The following NDRG3 variants were observed in gnomAD, a reference collection of about 807,000 sequenced individuals.
The protein encoded by NDRG3 is NDRG family member 3.
In NDRG3, 23 loss-of-function variants were observed where a neutral mutation model predicts 57.2. That is an observed-to-expected ratio of 0.40 (90% CI 0.29 to 0.57). The LOEUF (loss-of-function observed/expected upper bound fraction) is 0.57, where lower values mean the gene tolerates loss of function less well. NDRG3 is among the 20% of genes least tolerant of loss of function. The pLI, the probability that NDRG3 is intolerant of heterozygous loss-of-function variation, is 0.42. For missense variants in NDRG3, 384 were observed against 457.3 expected (o/e 0.84, Z 1.46); for synonymous variants, 132 against 162.6 (o/e 0.81, Z 1.43).
At position 36,680,787 on chromosome 20, in the gene NDRG3, G is replaced by A. The variant is rs1175791239; in HGVS notation, c.531+29C>T. On this transcript the variant is annotated intron_variant, in intron 8 of 15. Transcript: ENST00000349004. ...GCTGTTTTGAGATGGGCCAAGATAA[G>A]CCGATGGACACCTTCATGTGGTACT... is the stretch of plus-strand genomic sequence containing the variant. 5 of 1,590,450 alleles carry A rather than the reference G, an allele frequency of 3.1e-6. No homozygotes were observed. The South Asian group carries it at 3.3e-5, about 11-fold the overall frequency.
intron 3 of NDRG3, among the ~76,000 whole-genome samples, chr20:36,700,113 CA>C (rs1294581784): frequency 4.9e-3 from 233 of 47,096 alleles, no homozygotes; most frequent in Admixed American, 9.6e-3. Context: ...CAATCAGTCT[CA>C]AAAAAAAAAA....
intron 9 of NDRG3, 39 bp from the exon 10 acceptor site, chr20:36,666,431 C>A (rs1207595685): frequency 6.9e-7 from 1 of 1,446,432 alleles, no homozygotes; most frequent in East Asian, 2.3e-5. Context: ...AGCTTCTGAG[C>A]TCCAGAATAA....
chr20:36,684,479 C>G lies in NDRG3; in HGVS notation c.321-4G>C. The G allele has an allele frequency of 6.2e-7, 1 of 1,612,776 alleles. No individual in the cohort carries two copies. Among genetic ancestry groups the G allele is most frequent in the Non-Finnish European group, 8.5e-7 (1 of 1,178,798 alleles). On this transcript the variant is annotated splice_polypyrimidine_tract_variant and splice_region_variant and intron_variant, in intron 5 of 15. Transcript: ENST00000349004. ...ATCCATTGTGGGGTACTGATACCTG[C>G]AATCCAGAAGGATATCTCCTGAATT...
intron 12 of NDRG3, among the ~76,000 whole-genome samples, chr20:36,661,010 G>GT (rs937168009): frequency 2.6e-5 from 4 of 152,140 alleles, no homozygotes; most frequent in Non-Finnish European, 4.4e-5. Flanking sequence ...ATGAAAGTAG[G>GT]TTACCTTACT....
chr20:36,657,604 T>G (rs1278117766), intron 13 of NDRG3, among the ~76,000 whole-genome samples: 1 of 152,226 alleles, frequency 6.6e-6, no homozygotes, highest in Non-Finnish European at 1.5e-5. Flanking sequence ...TTCTTCCAGC[T>G]GTTACACACT....
chr20:36,722,437 T>C (rs1984648194), intron 1 of NDRG3, among the ~76,000 whole-genome samples: 1 of 152,226 alleles, frequency 6.6e-6, no homozygotes. Flanking sequence ...TTTGCGGTAA[T>C]ATTTTTATGC....
At chr20:36,706,712 G>A (rs917157305) in intron 3 of NDRG3, among the ~76,000 whole-genome samples, 6 of 152,002 alleles carry the variant, frequency 3.9e-5, no homozygotes, top group East Asian at 1.9e-4. Flanking sequence ...CATGTTGGCC[G>A]GTATGGTCTC....
chr20:36,682,503 C>T lies in NDRG3; in HGVS notation c.444+15G>A. On this transcript the variant is annotated intron_variant, in intron 7 of 15. Coordinates refer to ENST00000349004, the MANE Select transcript of NDRG3 (RefSeq NM_032013.4). ...CTGCCTCAAGGATGTTGAGGCTAAT[C>T]CTCTACATACTTACTGCAAATCTGC... The T allele has an allele frequency of 6.2e-7, 1 of 1,610,460 alleles. No individual in the cohort carries two copies. Among genetic ancestry groups the T allele is most frequent in the Non-Finnish European group, 8.5e-7 (1 of 1,177,020 alleles).
intron 2 of NDRG3, among the ~76,000 whole-genome samples, chr20:36,712,917 C>G (rs904660418): frequency 6.6e-6 from 1 of 151,888 alleles, no homozygotes; most frequent in Non-Finnish European, 1.5e-5. Flanking sequence ...CCTTCTGAGA[C>G]AGAGTCTTGC....
intron 1 of NDRG3, among the ~76,000 whole-genome samples, chr20:36,742,284 C>T (rs1274714214): frequency 6.6e-6 from 1 of 152,138 alleles, no homozygotes; most frequent in African/African-American, 2.4e-5. Context: ...CTGTTCTAAG[C>T]ACATAAATAG....
rs6093343 is a variant in NDRG3 at position 36,728,713 on chromosome 20, G to T, written c.-48-6930C>A. Among the ~76,000 whole-genome samples, 1,011 of 152,062 alleles carry T rather than the reference G, an allele frequency of 6.6e-3. 12 individuals are homozygous for T. The highest frequency in any genetic ancestry group is 0.022 in the African/African-American group (924 of 41,492). On this transcript the variant is annotated intron_variant, in intron 1 of 15. Transcript: ENST00000349004. Reference sequence around the variant, plus strand: ...AAACACATCTGGTTCAAGGCATTTTGGTTTTTTTGTTTTTTTGGGGGGGAG... The same window carrying T: ...AAACACATCTGGTTCAAGGCATTTTTGTTTTTTTGTTTTTTTGGGGGGGAG...
chr20:36,696,073 C>T (rs1196873848), intron 3 of NDRG3, among the ~76,000 whole-genome samples: 2 of 152,192 alleles, frequency 1.3e-5, no homozygotes, highest in African/African-American at 2.4e-5. Flanking sequence ...TTGGGGGATT[C>T]CCCCGATAGC....
At position 36,687,555 on chromosome 20, in the gene NDRG3, T is replaced by C; in HGVS notation, c.257A>G (p.His86Arg). The change falls in exon 5 of 16, where the codon CAC becomes CGC. Residue 86 changes from histidine to arginine, a missense_variant. Transcript: ENST00000349004. ...GGCATCCACATGACAGACAGCAAAG[T>C]GCTGGGTGATCTCTTGCATATCCTC... ...NFEDMQEITQ[H>R]FAVCHVDAPG... 1 of 1,614,132 alleles carries C rather than the reference T, an allele frequency of 6.2e-7. No individual in the cohort carries two copies. The highest frequency in any genetic ancestry group is 1.3e-5 in the African/African-American group (1 of 75,030).
intron 9 of NDRG3, among the ~76,000 whole-genome samples, chr20:36,668,237 G>GT (rs1180232349): frequency 4.6e-5 from 7 of 152,148 alleles, no homozygotes; most frequent in Non-Finnish European, 1.0e-4. Flanking sequence ...GCAAGACCCT[G>GT]TCTCAACAAA....
intron 3 of NDRG3, among the ~76,000 whole-genome samples, chr20:36,697,857 T>C (rs1028846976): frequency 6.6e-6 from 1 of 152,130 alleles, no homozygotes; most frequent in South Asian, 2.1e-4. Flanking sequence ...TAGTAAATGA[T>C]AAAATAGACT....
rs1261514699 is a variant in NDRG3 at position 36,682,502 on chromosome 20, T to A, written c.444+16A>T. 4.4e-6 allele frequency: 7 copies of A among 1,607,202 alleles called. No homozygotes were observed. The Admixed American group carries it at 1.2e-4, about 27-fold the overall frequency. On this transcript the variant is annotated intron_variant, in intron 7 of 15. Coordinates refer to ENST00000349004, the MANE Select transcript of NDRG3 (RefSeq NM_032013.4). Reference sequence around the variant, plus strand: ...ACTGCCTCAAGGATGTTGAGGCTAATCCTCTACATACTTACTGCAAATCTG... The same window carrying A: ...ACTGCCTCAAGGATGTTGAGGCTAAACCTCTACATACTTACTGCAAATCTG...
chr20:36,689,192 CA>C (rs1982052079), intron 3 of NDRG3, among the ~76,000 whole-genome samples: 1 of 151,934 alleles, frequency 6.6e-6, no homozygotes, highest in African/African-American at 2.4e-5. Context: ...GACTTCGTCT[CA>C]AAAAATAAAA....
intron 1 of NDRG3, among the ~76,000 whole-genome samples, chr20:36,741,527 T>C (rs974048713): frequency 3.3e-5 from 5 of 152,168 alleles, no homozygotes; most frequent in African/African-American, 1.2e-4. Context: ...ATGTGCACAA[T>C]GCAAAAATAA....
chr20:36,674,826 C>T (rs1376706799), intron 8 of NDRG3, among the ~76,000 whole-genome samples: 1 of 150,690 alleles, frequency 6.6e-6, no homozygotes, highest in Non-Finnish European at 1.5e-5. Flanking sequence ...TCAAGCGATC[C>T]TCCTGTCTTG....
Sources: allele counts gnomAD v4.1 joint callset (sites outside exome capture counted in the v4.1 genomes callset), GRCh38; gene constraint gnomAD v4.1.1; transcripts MANE v1.5; gene names NCBI Gene and HGNC (gene_info 2026-07-23, HGNC 2026-07-21).